Variants in COL1A1 observed in about 807,000 individuals in gnomAD.
The protein encoded by COL1A1 is collagen alpha-1(I) chain.
COL1A1 carries 21 observed loss-of-function variants against 195.7 expected under a neutral mutation model. The observed-to-expected ratio is 0.11, with a 90% confidence interval of 0.08 to 0.15. The LOEUF (loss-of-function observed/expected upper bound fraction) is 0.15. Ranked by LOEUF, COL1A1 falls within the 10% of genes least tolerant of loss-of-function variation. The pLI, the probability that COL1A1 is intolerant of heterozygous loss-of-function variation, is 1.00. For synonymous variants in COL1A1, 749 were observed against 747.3 expected, an observed-to-expected ratio of 1.00 and a Z score of -0.04; for missense variants, 1,365 against 2,051.0, an observed-to-expected ratio of 0.67 and a Z score of 6.46.
At position 50,185,315 on chromosome 17, in the gene COL1A1, G is replaced by C; in HGVS notation, c.*187C>G. The stretch of plus-strand genomic sequence containing the variant: ...GCACTTTTGGTTTTTGGTCATGTTC[G>C]GTTGGTCAAAGATAAAAACTAAGTT... On this transcript the variant is annotated 3_prime_UTR_variant, in exon 51 of 51. Coordinates refer to ENST00000225964, the MANE Select transcript of COL1A1 (RefSeq NM_000088.4). 2.3e-6 allele frequency: 1 copy of C among 434,300 alleles called. No homozygotes were observed. Among genetic ancestry groups the C allele is most frequent in the Non-Finnish European group, 3.9e-6 (1 of 255,304 alleles). 26.9% of individuals were successfully genotyped at this position (434,300 alleles called of 1,614,324 possible).
chr17:50,191,793 C>T lies in COL1A1; in HGVS notation c.2122G>A (p.Ala708Thr), dbSNP rs1907099959. 6.3e-7 allele frequency: 1 copy of T among 1,582,268 alleles called. No individual in the cohort carries two copies. Among genetic ancestry groups the T allele is most frequent in the Non-Finnish European group, 8.6e-7 (1 of 1,162,880 alleles). Residue 708 changes from alanine to threonine, a missense_variant, in exon 31 of 51, where the codon GCT becomes ACT. Ala to Thr is a moderately conservative substitution (Grantham distance 58, BLOSUM62 0). Coordinates refer to ENST00000225964, the MANE Select transcript of COL1A1 (RefSeq NM_000088.4). Reference protein sequence around the residue: ...GANGAPGNDGAKGDAGAPGAP... With the variant: ...GANGAPGNDGTKGDAGAPGAP... Reference sequence around the variant, plus strand: ...CCCTTCCACGCTGCCCTCACCTTAGCACCATCGTTGCCGGGAGCACCGTTG... The same window carrying T: ...CCCTTCCACGCTGCCCTCACCTTAGTACCATCGTTGCCGGGAGCACCGTTG...
At chr17:50,196,278 A>G (rs1189775572) in intron 14 of COL1A1, 36 bp downstream of exon 14, 2 of 1,609,164 alleles carry the variant, frequency 1.2e-6, no homozygotes, top group Admixed American at 3.4e-5. Flanking sequence ...CCCCTTCCAG[A>G]GCTCAGGGAT....
In COL1A1 at chr17:50,197,932, G is replaced by C; in HGVS notation, c.642+17C>G. On this transcript the variant is annotated intron_variant, in intron 8 of 50. Transcript: ENST00000225964. ...GTGTTTGTAGAAGGAGTATGAATCT[G>C]TATAGAGAGTGCTTACTGAAGCTCC... The C allele has an allele frequency of 6.2e-7, 1 of 1,613,538 alleles. No homozygotes were observed. Among genetic ancestry groups the C allele is most frequent in the East Asian group, 2.2e-5 (1 of 44,878 alleles).
In COL1A1 at chr17:50,192,365, G is replaced by A. The variant is rs113858765; in HGVS notation, c.1983+110C>T. The A allele has an allele frequency of 2.3e-4, 289 of 1,281,860 alleles. No homozygotes were observed. The African/African-American group carries it at 3.1e-3, about 14-fold the overall frequency. The allele number at this position is 1,281,860 out of a possible 1,614,324, so 79.4% of individuals were successfully genotyped here. A position where few individuals can be genotyped will look rare whatever the true frequency, so the allele number is the denominator to read the frequency against. ...TTCATGGGAGGAAGTTCTTTCCGGC[G>A]TCTAACCTCAATCCCTCTAGTTGAT... On this transcript the variant is annotated intron_variant, in intron 29 of 50. Transcript: ENST00000225964.
At chr17:50,191,557 C>T in intron 31 of COL1A1, 67 bp from the exon 32 acceptor site, 1 of 1,434,206 alleles carries the variant, frequency 7.0e-7, no homozygotes, top group Non-Finnish European at 9.8e-7. Flanking sequence ...GCCCTAAGCC[C>T]CGCTTGGTAT....
chr17:50,185,622 T>C lies in COL1A1; in HGVS notation c.4275A>G (p.Thr1425=), dbSNP rs10407. The C allele has an allele frequency of 1.2e-6, 2 of 1,613,870 alleles. No individual in the cohort carries two copies. The highest frequency in any genetic ancestry group is 2.2e-5 in the South Asian group (2 of 91,054). Residue 1425 remains threonine, a synonymous_variant, in exon 51 of 51, where the codon ACA becomes ACG. Coordinates refer to ENST00000225964, the MANE Select transcript of COL1A1 (RefSeq NM_000088.4). The part of the protein sequence containing the change: ...CTSHTGAWGK[T]VIEYKTTKTS... The stretch of plus-strand genomic sequence containing the variant: ...TCTTGGTGGTTTTGTATTCAATCAC[T>C]GTCTTGCCCCAGGCTCCGGTGTGAC...
rs765401618 is a variant in COL1A1 at position 50,188,515 on chromosome 17, A to T, written c.3207+15T>A. The T allele has an allele frequency of 1.2e-6, 2 of 1,612,648 alleles. No homozygotes were observed. The highest frequency in any genetic ancestry group is 1.7e-6 in the Non-Finnish European group (2 of 1,178,792). On this transcript the variant is annotated intron_variant, in intron 43 of 50. Transcript: ENST00000225964. The surrounding 1 kb of genome is among the most constrained non-coding windows in gnomAD (Gnocchi z 5.6). ...GGCCTGACCAGGTACAGGGAACTGGAGCCCAGCTACTTACAGTCTCACCAC... is the reference window on the plus strand; with the variant it reads ...GGCCTGACCAGGTACAGGGAACTGGTGCCCAGCTACTTACAGTCTCACCAC...
rs1217584095 is a variant in COL1A1, at chr17:50,197,727, C to T, written c.696+5G>A. On this transcript the variant is annotated splice_donor_5th_base_variant and intron_variant, in intron 9 of 50. Coordinates refer to ENST00000225964, the MANE Select transcript of COL1A1 (RefSeq NM_000088.4). ...AGATGGTATCTTCTTGCTGGGGATA[C>T]TTACATCATCTCCATTCTTTCCAGG... 6.3e-7 allele frequency: 1 copy of T among 1,583,284 alleles called. No individual in the cohort carries two copies. The highest frequency in any genetic ancestry group is 8.6e-7 in the Non-Finnish European group (1 of 1,168,978).
Position 50,189,757 on chromosome 17 carries a change from G to C in COL1A1, c.2614-25C>G. On this transcript the variant is annotated intron_variant, in intron 37 of 50. Coordinates refer to ENST00000225964, the MANE Select transcript of COL1A1 (RefSeq NM_000088.4). This position sits in a 1 kb window ranked among gnomAD's most constrained non-coding sequence, Gnocchi z 5.5. Reference sequence around the variant, plus strand: ...CCTGGAAGGAGAGAACATAGGAACAGTCAGAGGGAGAACAGCCAACTCATC... The same window carrying C: ...CCTGGAAGGAGAGAACATAGGAACACTCAGAGGGAGAACAGCCAACTCATC... 4 of 1,613,924 alleles carry C rather than the reference G, an allele frequency of 2.5e-6. No individual in the cohort carries two copies. Among genetic ancestry groups the C allele is most frequent in the Non-Finnish European group, 3.4e-6 (4 of 1,179,906 alleles).
At chr17:50,200,105 C>T (rs1257539266) in intron 1 of COL1A1, 158 bp from the exon 2 acceptor site, 1 of 815,716 alleles carries the variant, frequency 1.2e-6, no homozygotes, top group Non-Finnish European at 2.0e-6. Context: ...TGCTCCTCAT[C>T]AGCGCGGGTG....
rs566215114 is a variant in COL1A1, at chr17:50,191,634, C to T, written c.2128-144G>A. The T allele has an allele frequency of 9.1e-6, 10 of 1,104,030 alleles. No homozygotes were observed. In the Admixed American group the frequency reaches 2.0e-4, roughly 22 times the overall value. 68.4% of individuals were successfully genotyped at this position (1,104,030 alleles called of 1,614,324 possible). On this transcript the variant is annotated intron_variant, in intron 31 of 50. Transcript: ENST00000225964. ...AAGATGAAAAGACTCACAGCCCAGA[C>T]TCCAGGCTGTGTGTGGGCCCCTGCC...
chr17:50,199,732 AGGCC>A lies in COL1A1; in HGVS notation c.298+17_298+20del. 1 of 841,994 alleles carries A rather than the reference AGGCC, an allele frequency of 1.2e-6. No homozygotes were observed. The highest frequency in any genetic ancestry group is 1.7e-6 in the Non-Finnish European group (1 of 579,992). The allele number at this position is 841,994 out of a possible 1,614,324, so 52.2% of individuals were successfully genotyped here. A position where few individuals can be genotyped will look rare whatever the true frequency, so the allele number is the denominator to read the frequency against. On this transcript the variant is annotated intron_variant, in intron 2 of 50. Coordinates refer to ENST00000225964, the MANE Select transcript of COL1A1 (RefSeq NM_000088.4). ...CCCCAGGCCCCAGGCCCCAGGCCCC[AGGCC>A]CCGAGCGCAGCCGCACCTGAGCCGT...
chr17:50,198,079 G>A, intron 7 of COL1A1, 77 bp from the exon 8 acceptor site: 1 of 1,600,568 alleles, frequency 6.2e-7, no homozygotes, highest in Non-Finnish European at 8.6e-7. Context: ...AGATCTCTGA[G>A]CATCTCTCCT....
chr17:50,200,050 G>A lies in COL1A1; in HGVS notation c.104-103C>T, dbSNP rs772854760. Reference sequence around the variant, plus strand: ...GGCACACTTGGATTTTTCACTTCCCGCCCCTCCCCCCGTTCTTCTTTCCTC... The same window carrying A: ...GGCACACTTGGATTTTTCACTTCCCACCCCTCCCCCCGTTCTTCTTTCCTC... On this transcript the variant is annotated intron_variant, in intron 1 of 50. Transcript: ENST00000225964. The A allele has an allele frequency of 6.6e-6, 8 of 1,208,822 alleles. No individual in the cohort carries two copies. In the East Asian group the frequency reaches 1.6e-4, roughly 25 times the overall value. 74.9% of individuals were successfully genotyped at this position (1,208,822 alleles called of 1,614,324 possible). A position where few individuals can be genotyped will look rare whatever the true frequency, so the allele number is the denominator to read the frequency against.
rs184720839 is a variant in COL1A1, at chr17:50,186,060, C to T, written c.4006-40G>A. The T allele has an allele frequency of 1.7e-5, 28 of 1,607,376 alleles. No individual in the cohort carries two copies. In the Middle Eastern group the frequency reaches 8.6e-4, roughly 49 times the overall value. On this transcript the variant is annotated intron_variant, in intron 49 of 50. Transcript: ENST00000225964. This position sits in a 1 kb window ranked among gnomAD's most constrained non-coding sequence, Gnocchi z 5.3. ...AGAGAGGGAAGAGTGAGCCGCTATG[C>T]GGGAACCTCTAGTCCTGCCTGGCCT...
rs1337728350 is a variant in COL1A1 at position 50,190,898 on chromosome 17, A to G, written c.2262T>C (p.Asp754=). 6.2e-7 allele frequency: 1 copy of G among 1,613,974 alleles called. No individual in the cohort carries two copies. ...GGACGCCATCTTTGCCAGGAGAGCC[A>G]TCAGCACCTTTGGGACCAGCATCAC... is the stretch of plus-strand genomic sequence containing the variant. ...DRGDAGPKGA[D]GSPGKDGVRG... The change falls in exon 33 of 51, where the codon GAT becomes GAC. Residue 754 remains aspartate (D), a synonymous_variant. Coordinates refer to ENST00000225964, the MANE Select transcript of COL1A1 (RefSeq NM_000088.4). The surrounding 1 kb of genome is among the most constrained non-coding windows in gnomAD (Gnocchi z 4.7).
chr17:50,197,700 T>TCAACGTCAAGGAGTCG, intron 9 of COL1A1, 32 bp downstream of exon 9: 1 of 1,548,436 alleles, frequency 6.5e-7, no homozygotes, highest in Non-Finnish European at 8.7e-7. Context: ...GGCCATGGGG[T>TCAACGTCAAGGAGTCG]CAGATGGTAT....
chr17:50,201,408 T>TA lies in COL1A1; in HGVS notation c.103+2dup, dbSNP rs1348638169. 6.2e-7 allele frequency: 1 copy of TA among 1,613,762 alleles called. No individual in the cohort carries two copies. The highest frequency in any genetic ancestry group is 1.1e-5 in the South Asian group (1 of 91,066). Reference sequence around the variant, plus strand: ...CTTGCACTCCCAAAAGTTTGGGACTTACTGTCTTCGTCTTGGCCCTCGACT... The same window carrying TA: ...CTTGCACTCCCAAAAGTTTGGGACTTAACTGTCTTCGTCTTGGCCCTCGACT... On this transcript the variant is annotated splice_region_variant and intron_variant, in intron 1 of 50. Transcript: ENST00000225964.
Position 50,188,404 on chromosome 17 carries a change from C to T in COL1A1, c.3207+126G>A. On this transcript the variant is annotated intron_variant, in intron 43 of 50. Coordinates refer to ENST00000225964, the MANE Select transcript of COL1A1 (RefSeq NM_000088.4). This position sits in a 1 kb window ranked among gnomAD's most constrained non-coding sequence, Gnocchi z 5.6. ...TCAGTTTTTTGGATTAAGGCCCTGA[C>T]ATCTTGCAGGATCTCCTTTCCTCCC... The T allele has an allele frequency of 1.9e-6, 2 of 1,044,866 alleles. No homozygotes were observed. Among genetic ancestry groups the T allele is most frequent in the Non-Finnish European group, 2.9e-6 (2 of 680,318 alleles). 64.7% of individuals were successfully genotyped at this position (1,044,866 alleles called of 1,614,324 possible).
Sources: allele counts gnomAD v4.1 joint callset, GRCh38; gene constraint gnomAD v4.1.1; non-coding constraint Gnocchi (gnomAD v3.1); transcripts MANE v1.5; gene names NCBI Gene and HGNC (gene_info 2026-07-23, HGNC 2026-07-21).